Variants in CLASP1 observed in about 807,000 individuals in gnomAD.
CLASP1 encodes cytoplasmic linker associated protein 1.
In CLASP1, 38 loss-of-function variants were observed where a neutral mutation model predicts 192.3. That is an observed-to-expected ratio of 0.20 (90% confidence interval 0.15 to 0.26). CLASP1 has a LOEUF of 0.26. Ranked by LOEUF, CLASP1 falls within the 10% of genes least tolerant of loss-of-function variation. The pLI is 1.00. For missense variants in CLASP1, 1,433 were observed against 1,932.5 expected, an observed-to-expected ratio of 0.74 and a Z score of 4.85; for synonymous variants, 691 against 712.8, an observed-to-expected ratio of 0.97 and a Z score of 0.49.
At chr2:121,442,480 T>TC (rs2083504651) in intron 19 of CLASP1, among the ~76,000 whole-genome samples, 1 of 151,634 alleles carries the variant, frequency 6.6e-6, no homozygotes, top group Non-Finnish European at 1.5e-5. Flanking sequence ...TAAATTTCTT[T>TC]CTTTTTTTTT....
intron 37 of CLASP1, 23 bp from the exon 39 acceptor site, chr2:121,348,741 A>AG: frequency 6.4e-7 from 1 of 1,563,666 alleles, no homozygotes; most frequent in Non-Finnish European, 8.7e-7. Context: ...GTTCCCCCAA[A>AG]GAGTGAGCTC....
intron 1 of CLASP1, among the ~76,000 whole-genome samples, chr2:121,624,511 G>A (rs2067959996): frequency 1.3e-5 from 2 of 152,094 alleles, no homozygotes; most frequent in African/African-American, 2.4e-5. Flanking sequence ...CCACCTCCTG[G>A]GTCCAAGCTA....
chr2:121,480,412 T>C (rs1160222993), intron 8 of CLASP1, among the ~76,000 whole-genome samples: 1 of 152,186 alleles, frequency 6.6e-6, no homozygotes, highest in South Asian at 2.1e-4. Flanking sequence ...GAAAATGCCC[T>C]GGCTGCTGCT....
chr2:121,353,091 A>G (rs1396117554), intron 37 of CLASP1, among the ~76,000 whole-genome samples: 2 of 152,126 alleles, frequency 1.3e-5, no homozygotes, highest in Admixed American at 1.3e-4. Flanking sequence ...GCTACTTGGA[A>G]GGCTGTGCTG....
chr2:121,502,750 C>T (rs1181453836), intron 8 of CLASP1, among the ~76,000 whole-genome samples: 1 of 152,062 alleles, frequency 6.6e-6, no homozygotes, highest in Non-Finnish European at 1.5e-5. Flanking sequence ...TTAACACCAC[C>T]CGACTTGTAT....
At chr2:121,643,444 T>A (rs922103668) in intron 1 of CLASP1, among the ~76,000 whole-genome samples, 3 of 152,278 alleles carry the variant, frequency 2.0e-5, no homozygotes, top group African/African-American at 2.4e-5. Flanking sequence ...TCAATCTAGA[T>A]CAATCAGGGT....
chr2:121,395,435 A>G (rs1574279919), intron 30 of CLASP1, among the ~76,000 whole-genome samples: 1 of 152,360 alleles, frequency 6.6e-6, no homozygotes, highest in East Asian at 1.9e-4. Flanking sequence ...AAACATATCA[A>G]TGCCCACTAT....
chr2:121,516,337 T>C (rs2094291896), intron 6 of CLASP1, among the ~76,000 whole-genome samples: 1 of 152,152 alleles, frequency 6.6e-6, no homozygotes, highest in Non-Finnish European at 1.5e-5. Context: ...GCAATCACAT[T>C]AGGGGATGTC....
intron 2 of CLASP1, among the ~76,000 whole-genome samples, chr2:121,544,872 C>A (rs187705908): frequency 1.3e-3 from 203 of 151,438 alleles, no homozygotes; most frequent in African/African-American, 4.7e-3. Flanking sequence ...GGCAGGGCAC[C>A]TAATTTTTTC....
intron 7 of CLASP1, among the ~76,000 whole-genome samples, chr2:121,511,243 T>C (rs2094126043): frequency 6.6e-6 from 1 of 152,220 alleles, no homozygotes; most frequent in Non-Finnish European, 1.5e-5. Flanking sequence ...AATTAAAATA[T>C]GACTTTATTT....
At chr2:121,401,538 T>C in exon 28 of CLASP1, 2 of 1,613,224 alleles carry the variant, frequency 1.2e-6, no homozygotes, top group Non-Finnish European at 8.5e-7. Flanking sequence ...TTTGAACTTT[T>C]GCTTGCACAG....
chr2:121,470,047 C>A (rs1020019517), intron 8 of CLASP1, 87 bp from the exon 9 acceptor site: 8 of 1,095,914 alleles, frequency 7.3e-6, no homozygotes, highest in South Asian at 1.5e-5. Context: ...GATTATAAAA[C>A]AATTAGTCTT....
chr2:121,567,285 A>T (rs1013824732), intron 2 of CLASP1, among the ~76,000 whole-genome samples: 4 of 152,208 alleles, frequency 2.6e-5, no homozygotes, highest in Non-Finnish European at 5.9e-5. Context: ...ATACAGACTG[A>T]ACAAAACAAA....
chr2:121,501,389 A>G (rs868399930), intron 8 of CLASP1, among the ~76,000 whole-genome samples: 5 of 152,208 alleles, frequency 3.3e-5, no homozygotes, highest in Admixed American at 2.0e-4. Context: ...CAGATGCCAG[A>G]ATTCTGGCCC....
intron 25 of CLASP1, among the ~76,000 whole-genome samples, chr2:121,406,845 C>A (rs2076979864): frequency 6.6e-6 from 1 of 152,164 alleles, no homozygotes; most frequent in Non-Finnish European, 1.5e-5. Context: ...CCTGCCCTGG[C>A]CTCTCAAAGT....
intron 2 of CLASP1, among the ~76,000 whole-genome samples, chr2:121,604,682 G>A (rs532777523): frequency 3.2e-3 from 483 of 152,148 alleles, no homozygotes; most frequent in Non-Finnish European, 5.4e-3. Flanking sequence ...ATAAATATAC[G>A]AAGACAGGTA....
chr2:121,627,795 A>G (rs1359733287), intron 1 of CLASP1, among the ~76,000 whole-genome samples: 4 of 152,242 alleles, frequency 2.6e-5, no homozygotes, highest in African/African-American at 7.2e-5. Flanking sequence ...TCATTTATTC[A>G]TTGACAATTT....
intron 1 of CLASP1, among the ~76,000 whole-genome samples, chr2:121,628,493 T>C (rs144500148): frequency 6.6e-6 from 1 of 152,058 alleles, no homozygotes; most frequent in African/African-American, 2.4e-5. Context: ...CTTGCCAACA[T>C]GGTGAAACCC....
At chr2:121,530,831 C>A in intron 2 of CLASP1, 1 of 661,320 alleles carries the variant, frequency 1.5e-6, no homozygotes, top group Non-Finnish European at 2.8e-6. Flanking sequence ...TACCACAACC[C>A]TACCAGGTAT....
Sources: gnomAD v4.1 joint callset for allele counts (sites outside exome capture counted in the v4.1 genomes callset) on GRCh38, gnomAD v4.1.1 for gene constraint, MANE v1.5 for transcripts, NCBI Gene and HGNC (gene_info 2026-07-23, HGNC 2026-07-21) for gene names.